Variants in OPCML observed in about 807,000 individuals in gnomAD.
OPCML encodes the protein opioid-binding protein/cell adhesion molecule.
In OPCML, 13 loss-of-function variants were observed where a neutral mutation model predicts 37.8. The ratio of observed to expected loss-of-function variants is 0.34; its 90% confidence interval spans 0.22 to 0.55. OPCML has a LOEUF of 0.55. OPCML is among the 20% of genes least tolerant of loss of function. The pLI, the probability that OPCML is intolerant of heterozygous loss-of-function variation, is 0.91. For synonymous variants in OPCML, 176 were observed against 168.8 expected (o/e 1.04, Z -0.33); for missense variants, 341 against 435.6 (o/e 0.78, Z 1.93).
chr11:132,788,604 C>A (rs928615651), intron 2 of OPCML, among the ~76,000 whole-genome samples: 2 of 152,134 alleles, frequency 1.3e-5, no homozygotes, highest in Non-Finnish European at 2.9e-5. Flanking sequence ...CATGTGATAT[C>A]ATCACACTCA....
chr11:132,749,384 A>G (rs7114706), intron 2 of OPCML, among the ~76,000 whole-genome samples: 1 of 152,218 alleles, frequency 6.6e-6, no homozygotes, highest in Non-Finnish European at 1.5e-5. Context: ...AGAAGAATGA[A>G]CTTGTCATCC....
At chr11:133,464,192 ATTATT>A in intron 1 of OPCML, among the ~76,000 whole-genome samples, 1 of 152,142 alleles carries the variant, frequency 6.6e-6, no homozygotes, top group East Asian at 1.9e-4. Flanking sequence ...AATGTTCTCT[ATTATT>A]CATAAAGCAA....
intron 4 of OPCML, among the ~76,000 whole-genome samples, chr11:132,520,702 G>GTGTGTGTGTGTGTGTGTGTGTA (rs150655288): frequency 1.8e-4 from 27 of 149,610 alleles, no homozygotes; most frequent in Non-Finnish European, 3.4e-4. Flanking sequence ...GTGTGTGTGT[G>GTGTGTGTGTGTGTGTGTGTGTA]TATGCATATA....
chr11:132,877,387 C>T (rs1943060717), intron 2 of OPCML, among the ~76,000 whole-genome samples: 1 of 152,154 alleles, frequency 6.6e-6, no homozygotes, highest in South Asian at 2.1e-4. Context: ...TATCAATAAA[C>T]TTATCAGTGC....
At chr11:133,026,821 T>G (rs1947564037) in intron 1 of OPCML, among the ~76,000 whole-genome samples, 1 of 152,242 alleles carries the variant, frequency 6.6e-6, no homozygotes, top group South Asian at 2.1e-4. Flanking sequence ...AAAAAAAATA[T>G]TAGATTTCTA....
At chr11:133,514,117 G>T (rs1403538069) in intron 1 of OPCML, among the ~76,000 whole-genome samples, 1 of 152,174 alleles carries the variant, frequency 6.6e-6, no homozygotes, top group African/African-American at 2.4e-5. Flanking sequence ...CAAAACTGTG[G>T]CAATGGTTCA....
At chr11:132,441,151 C>T (rs2136772945) in intron 4 of OPCML, among the ~76,000 whole-genome samples, 1 of 146,872 alleles carries the variant, frequency 6.8e-6, no homozygotes, top group African/African-American at 2.5e-5. Context: ...GATGTGTTCA[C>T]CAAGGACTTT....
rs142690559 is a variant in OPCML, at chr11:133,312,673, C to G, written c.61+219591G>C. Reference sequence around the variant, plus strand: ...TACTAAAGGGCTTGAAGCCCCAACCCAAGCTTTACTTTCCCTTCTACTACT... The same window carrying G: ...TACTAAAGGGCTTGAAGCCCCAACCGAAGCTTTACTTTCCCTTCTACTACT... On this transcript the variant is annotated intron_variant, in intron 1 of 7. Transcript: ENST00000524381. Among the ~76,000 whole-genome samples, 283 of 152,284 alleles carry G rather than the reference C, an allele frequency of 1.9e-3. 5 individuals carry two copies. The highest frequency in any genetic ancestry group is 0.01 in the Middle Eastern group (3 of 292).
chr11:132,513,893 G>GA (rs1490571969), intron 4 of OPCML, among the ~76,000 whole-genome samples: 2 of 152,198 alleles, frequency 1.3e-5, no homozygotes, highest in East Asian at 3.9e-4. Context: ...GCTTCCTGGA[G>GA]AAAACTATAA....
intron 2 of OPCML, among the ~76,000 whole-genome samples, chr11:132,731,107 C>T (rs1314745317): frequency 6.6e-6 from 1 of 152,188 alleles, no homozygotes; most frequent in Non-Finnish European, 1.5e-5. Flanking sequence ...GGGGTAACCA[C>T]ATATGGTTAT....
intron 3 of OPCML, among the ~76,000 whole-genome samples, chr11:132,583,867 G>A (rs895598826): frequency 6.6e-6 from 1 of 151,970 alleles, no homozygotes; most frequent in Non-Finnish European, 1.5e-5. Flanking sequence ...GCTCACCTCG[G>A]CCTCCCAAAG....
intron 2 of OPCML, among the ~76,000 whole-genome samples, chr11:132,797,845 T>C (rs1938419508): frequency 6.6e-6 from 1 of 152,200 alleles, no homozygotes; most frequent in South Asian, 2.1e-4. Context: ...ATGATGTTGA[T>C]GGCTGCTGAC....
At position 133,332,793 on chromosome 11, in the gene OPCML, G is replaced by A. The variant is rs375778607; in HGVS notation, c.61+199471C>T. On this transcript the variant is annotated intron_variant, in intron 1 of 7. Transcript: ENST00000524381. ...CATATGTTGAACCAACCTTGCCTGCGGGGATGAAGTCTACTTGATCATGGT... is the reference window on the plus strand; with the variant it reads ...CATATGTTGAACCAACCTTGCCTGCAGGGATGAAGTCTACTTGATCATGGT... Among the ~76,000 whole-genome samples the A allele has an allele frequency of 1.3e-4, 20 of 152,106 alleles. 1 individual carries two copies. The highest frequency in any genetic ancestry group is 1.2e-3 in the Admixed American group (18 of 15,284).
chr11:133,001,848 T>G (rs1282427051), intron 1 of OPCML, among the ~76,000 whole-genome samples: 1 of 152,246 alleles, frequency 6.6e-6, no homozygotes, highest in African/African-American at 2.4e-5. Context: ...AGGGATGTGC[T>G]TGACAAAATC....
chr11:132,599,639 C>T (rs2437826), intron 3 of OPCML, among the ~76,000 whole-genome samples: 26,497 of 152,046 alleles, frequency 0.17, 3,276 homozygotes, highest in East Asian at 0.65. Flanking sequence ...GCAGAAGAAG[C>T]CCCGAGTGCC....
At chr11:132,908,728 C>A (rs1016790255) in intron 2 of OPCML, among the ~76,000 whole-genome samples, 15 of 152,330 alleles carry the variant, frequency 9.8e-5, no homozygotes, top group Admixed American at 1.3e-4. Flanking sequence ...AAAGACATAG[C>A]GCATTGATTT....
intron 1 of OPCML, among the ~76,000 whole-genome samples, chr11:133,294,063 C>T (rs1180341528): frequency 2.0e-5 from 3 of 152,078 alleles, no homozygotes; most frequent in African/African-American, 7.2e-5. Context: ...GAGAGCTGCT[C>T]ACAGTGAAAA....
intron 3 of OPCML, among the ~76,000 whole-genome samples, chr11:132,589,487 G>A (rs750911585): frequency 1.3e-5 from 2 of 152,192 alleles, no homozygotes; most frequent in African/African-American, 4.8e-5. Context: ...GTAAGTGAAT[G>A]AATAGAAACT....
rs7940216 is a variant in OPCML, at chr11:133,422,395, G to A, written c.61+109869C>T. ...AAAGACATTATATATATATATATAT[G>A]TATATATGCGCCAGTTCAAACCCTT... On this transcript the variant is annotated intron_variant, in intron 1 of 7. Transcript: ENST00000524381. The A allele has an allele frequency of 0.034, 26,785 of 783,800 alleles. 4,671 individuals are homozygous for A. In the African/African-American group the frequency reaches 0.44, roughly 13 times the overall value. The allele number at this position is 783,800 out of a possible 1,614,324, so 48.6% of individuals were successfully genotyped here. A position where few individuals can be genotyped will look rare whatever the true frequency, so the allele number is the denominator to read the frequency against.
Sources: gnomAD v4.1 joint callset for allele counts (sites outside exome capture counted in the v4.1 genomes callset) on GRCh38, gnomAD v4.1.1 for gene constraint, MANE v1.5 for transcripts, NCBI Gene and HGNC (gene_info 2026-07-23, HGNC 2026-07-21) for gene names.